DAPK1: variants seen among roughly 807,000 people sequenced by gnomAD.
The protein encoded by DAPK1 is death associated protein kinase 1, also known as death-associated protein kinase 1.
A neutral mutation model predicts 144.9 loss-of-function variants in DAPK1; 56 were observed. That is an observed-to-expected ratio of 0.39 (90% CI 0.31 to 0.48). The LOEUF is 0.48. Among genes scored for constraint, DAPK1 ranks in the 20% least tolerant of loss-of-function variants. The pLI, the probability that DAPK1 is intolerant of heterozygous loss-of-function variation, is 0.95. For missense variants in DAPK1, 1,454 were observed against 1,875.4 expected, an observed-to-expected ratio of 0.78 and a Z score of 4.15; for synonymous variants, 690 against 749.0, an observed-to-expected ratio of 0.92 and a Z score of 1.29.
At chr9:87,668,967 G>A in intron 19 of DAPK1, 1 of 301,540 alleles carries the variant, frequency 3.3e-6, no homozygotes, top group Non-Finnish European at 6.3e-6. Context: ...AGCGGGGGAT[G>A]AGGACGCTGA....
Position 87,697,169 on chromosome 9 carries a change from T to C in DAPK1, c.2576T>C (p.Phe859Ser). 1 of 1,583,090 alleles carries C rather than the reference T, an allele frequency of 6.3e-7. No individual in the cohort carries two copies. Among genetic ancestry groups the C allele is most frequent in the Non-Finnish European group, 8.7e-7 (1 of 1,151,738 alleles). Residue 859 changes from phenylalanine to serine, a missense_variant, in exon 22 of 26, where the codon TTC becomes TCC. Transcript: ENST00000408954. Reference protein sequence around the residue: ...QLNQVIFWLSFLKSLVPVEEP... With the variant: ...QLNQVIFWLSSLKSLVPVEEP... ...AACCAAGTGATTTTCTGGCTCAGTT[T>C]CCTGAAGTCCCTTGTCCCAGTTGAA...
At chr9:87,577,987 G>A (rs192148822) in intron 2 of DAPK1, among the ~76,000 whole-genome samples, 2 of 152,132 alleles carry the variant, frequency 1.3e-5, no homozygotes, top group Admixed American at 6.5e-5. Flanking sequence ...GGGATGAGGC[G>A]CGAGAAGCTA....
intron 2 of DAPK1, among the ~76,000 whole-genome samples, chr9:87,572,600 A>C (rs1315599531): frequency 6.6e-6 from 1 of 151,948 alleles, no homozygotes; most frequent in East Asian, 1.9e-4. Flanking sequence ...CTGGTTGCTG[A>C]AAAGTGTGTG....
chr9:87,614,749 G>C (rs1055050906), intron 3 of DAPK1, among the ~76,000 whole-genome samples: 3 of 152,140 alleles, frequency 2.0e-5, no homozygotes, highest in Non-Finnish European at 4.4e-5. Context: ...CCTTGTCGTG[G>C]GCTCCCCGGC....
intron 20 of DAPK1, among the ~76,000 whole-genome samples, chr9:87,683,290 C>T (rs982047730): frequency 6.6e-6 from 1 of 151,986 alleles, no homozygotes; most frequent in South Asian, 2.1e-4. Context: ...ACCATATTGG[C>T]CAGGCTGGTC....
intron 2 of DAPK1, among the ~76,000 whole-genome samples, chr9:87,570,936 G>A (rs1399526159): frequency 1.3e-5 from 2 of 152,150 alleles, no homozygotes; most frequent in African/African-American, 2.4e-5. Context: ...GATAAGAGAA[G>A]AATAAGTAAG....
chr9:87,669,941 T>G (rs1162847307), intron 19 of DAPK1, among the ~76,000 whole-genome samples: 1 of 152,188 alleles, frequency 6.6e-6, no homozygotes, highest in African/African-American at 2.4e-5. Flanking sequence ...TCAGAGGCAC[T>G]GAGCAGATGT....
chr9:87,631,795 T>C (rs1299289063), intron 3 of DAPK1, among the ~76,000 whole-genome samples: 2 of 152,248 alleles, frequency 1.3e-5, no homozygotes, highest in Non-Finnish European at 2.9e-5. Context: ...AGTCATTTTC[T>C]ACCTTCAGAG....
At chr9:87,636,131 G>A (rs1387735809) in intron 3 of DAPK1, among the ~76,000 whole-genome samples, 3 of 152,190 alleles carry the variant, frequency 2.0e-5, no homozygotes, top group Non-Finnish European at 4.4e-5. Context: ...GAGAGGGTGG[G>A]GGCAGACTGC....
At chr9:87,609,188 C>A (rs912461524) in intron 3 of DAPK1, among the ~76,000 whole-genome samples, 2 of 152,218 alleles carry the variant, frequency 1.3e-5, no homozygotes, top group African/African-American at 4.8e-5. Flanking sequence ...ATCAGCTCTT[C>A]CTGCGTCTTG....
chr9:87,527,583 C>T (rs1276957553), intron 2 of DAPK1, among the ~76,000 whole-genome samples: 5 of 152,204 alleles, frequency 3.3e-5, no homozygotes, highest in Non-Finnish European at 4.4e-5. Context: ...GCATCTAGGT[C>T]TATCAGGAAG....
chr9:87,519,889 C>T (rs1183566471), intron 2 of DAPK1, among the ~76,000 whole-genome samples: 2 of 152,140 alleles, frequency 1.3e-5, no homozygotes, highest in Non-Finnish European at 2.9e-5. Context: ...CATACCTGCT[C>T]TCCAGCTTGG....
chr9:87,574,321 A>G (rs1827465639), intron 2 of DAPK1, among the ~76,000 whole-genome samples: 1 of 152,234 alleles, frequency 6.6e-6, no homozygotes, highest in South Asian at 2.1e-4. Context: ...AGGACCCAAG[A>G]CACAGTGAAG....
chr9:87,497,909 G>T lies in DAPK1; in HGVS notation c.-307G>T. The T allele has an allele frequency of 2.5e-6, 1 of 395,272 alleles. No individual in the cohort carries two copies. The highest frequency in any genetic ancestry group is 2.1e-5 in the African/African-American group (1 of 48,614). The allele number at this position is 395,272 out of a possible 1,614,324, so 24.5% of individuals were successfully genotyped here. A position where few individuals can be genotyped will look rare whatever the true frequency, so the allele number is the denominator to read the frequency against. ...GGACAGCCGGACCGAGCCAACGCCGGGGACTTTGTTCCCTCCGCGGAGGGG... is the reference window on the plus strand; with the variant it reads ...GGACAGCCGGACCGAGCCAACGCCGTGGACTTTGTTCCCTCCGCGGAGGGG... On this transcript the variant is annotated 5_prime_UTR_variant, in exon 1 of 26. Coordinates refer to ENST00000408954, the MANE Select transcript of DAPK1 (RefSeq NM_004938.4).
At position 87,708,183 on chromosome 9, in the gene DAPK1, A is replaced by G. The variant is rs1825706041; in HGVS notation, c.*819A>G. The G allele has an allele frequency of 1.2e-5, 3 of 246,310 alleles. No individual in the cohort carries two copies. Among genetic ancestry groups the G allele is most frequent in the South Asian group, 5.3e-5 (1 of 19,014 alleles). 15.3% of individuals were successfully genotyped at this position (246,310 alleles called of 1,614,324 possible). On this transcript the variant is annotated 3_prime_UTR_variant, in exon 26 of 26. Coordinates refer to ENST00000408954, the MANE Select transcript of DAPK1 (RefSeq NM_004938.4). ...CAATGTGAACGTCCACATGAAACCTACACACTGTCATGCTTCATCATTCCC... is the reference window on the plus strand; with the variant it reads ...CAATGTGAACGTCCACATGAAACCTGCACACTGTCATGCTTCATCATTCCC...
At chr9:87,620,059 A>G (rs1049128135) in intron 3 of DAPK1, among the ~76,000 whole-genome samples, 1 of 152,148 alleles carries the variant, frequency 6.6e-6, no homozygotes, top group African/African-American at 2.4e-5. Context: ...TGCTCTCCTT[A>G]GAGGCCTCTG....
chr9:87,539,394 T>C (rs553743413), intron 2 of DAPK1, among the ~76,000 whole-genome samples: 2 of 151,570 alleles, frequency 1.3e-5, no homozygotes, highest in African/African-American at 4.8e-5. Flanking sequence ...ATGGAAAATT[T>C]CAGAAATACA....
intron 23 of DAPK1, among the ~76,000 whole-genome samples, chr9:87,699,555 A>G (rs1370222294): frequency 6.7e-6 from 1 of 149,220 alleles, no homozygotes; most frequent in Non-Finnish European, 1.5e-5. Flanking sequence ...TTATGATGTA[A>G]AATATATGTT....
intron 2 of DAPK1, among the ~76,000 whole-genome samples, chr9:87,603,789 C>T (rs1466613729): frequency 1.3e-5 from 2 of 152,142 alleles, no homozygotes; most frequent in African/African-American, 2.4e-5. Flanking sequence ...CGTTGTGTTC[C>T]GCTGACTATC....
Sources: gnomAD v4.1 joint callset for allele counts (sites outside exome capture counted in the v4.1 genomes callset) on GRCh38, gnomAD v4.1.1 for gene constraint, MANE v1.5 for transcripts, NCBI Gene and HGNC (gene_info 2026-07-23, HGNC 2026-07-21) for gene names.